Variants in PRPF18 observed in about 807,000 individuals in gnomAD.
PRPF18 encodes pre-mRNA-splicing factor 18.
PRPF18 carries 38 observed loss-of-function variants against 46.5 expected under a neutral mutation model. The ratio of observed to expected loss-of-function variants is 0.82; its 90% CI spans 0.63 to 1.07. The LOEUF (loss-of-function observed/expected upper bound fraction) is 1.07, where lower values mean the gene tolerates loss of function less well. Among genes scored for constraint, PRPF18 ranks in the 50% least tolerant of loss-of-function variants. The probability of loss-of-function intolerance (pLI) is 0.00; values close to 1 mark genes in which losing one functional copy is unlikely to be tolerated. For missense variants in PRPF18, 263 were observed against 410.0 expected, an observed-to-expected ratio of 0.64 and a Z score of 3.10; for synonymous variants, 152 against 146.7, an observed-to-expected ratio of 1.04 and a Z score of -0.26.
intron 3 of PRPF18, among the ~76,000 whole-genome samples, chr10:13,601,123 A>G (rs969141025): frequency 1.4e-4 from 22 of 152,176 alleles, no homozygotes; most frequent in Admixed American, 6.5e-5. Flanking sequence ...GATCATTTAG[A>G]TTGCTTATTA....
chr10:13,640,142 G>T, the PRPF18 span: 1 of 152,178 alleles, frequency 6.6e-6, no homozygotes, highest in Non-Finnish European at 1.5e-5. Context: ...ACGCCTGAGA[G>T]GTTTCACTCC....
chr10:13,650,100 C>T, the PRPF18 span, among the ~76,000 whole-genome samples: 39,085 of 152,160 alleles, frequency 0.26, 5,470 homozygotes, highest in East Asian at 0.58. Flanking sequence ...AAGCCAGGGC[C>T]GTCTGATACC....
At chr10:13,620,158 C>T (rs7090748) in intron 9 of PRPF18, among the ~76,000 whole-genome samples, 5,693 of 152,162 alleles carry the variant, frequency 0.037, 318 homozygotes, top group African/African-American at 0.12. Flanking sequence ...GCAAAATTTT[C>T]CTTAAAGGAT....
In PRPF18 at chr10:13,616,390, C is replaced by T; in HGVS notation, c.793-8C>T. On this transcript the variant is annotated splice_polypyrimidine_tract_variant and splice_region_variant and intron_variant, in intron 8 of 9. Coordinates refer to ENST00000378572, the MANE Select transcript of PRPF18 (RefSeq NM_003675.4). ...CCTTTCTGATTTCTTCTTACACTTT[C>T]CTTTCAGGCAAATGATGCTTATCTT... is the stretch of plus-strand genomic sequence containing the variant. The T allele has an allele frequency of 1.3e-6, 2 of 1,599,308 alleles. No homozygotes were observed. Among genetic ancestry groups the T allele is most frequent in the Non-Finnish European group, 8.5e-7 (1 of 1,170,954 alleles).
At chr10:13,588,638 T>A (rs914250841) in intron 1 of PRPF18, among the ~76,000 whole-genome samples, 1 of 152,084 alleles carries the variant, frequency 6.6e-6, no homozygotes, top group Admixed American at 6.6e-5. Context: ...TTTTTTAAAT[T>A]CTATTCCTCC....
intron 7 of PRPF18, 45 bp from the exon 8 acceptor site, chr10:13,613,970 A>C: frequency 6.4e-7 from 1 of 1,555,534 alleles, no homozygotes; most frequent in Non-Finnish European, 8.7e-7. Flanking sequence ...TTCCCTATAC[A>C]TCTATACATA....
chr10:13,608,051 C>A (rs1353270297), intron 4 of PRPF18, among the ~76,000 whole-genome samples: 1 of 152,176 alleles, frequency 6.6e-6, no homozygotes, highest in Non-Finnish European at 1.5e-5. Flanking sequence ...ATGTAACAGA[C>A]TACTCCAAAA....
intron 9 of PRPF18, 100 bp downstream of exon 9, chr10:13,616,653 A>C (rs953683740): frequency 1.4e-6 from 2 of 1,455,764 alleles, no homozygotes; most frequent in South Asian, 1.2e-5. Context: ...CAGCAAATAG[A>C]ACATAGCGTG....
At chr10:13,627,477 A>C (rs532160895) in intron 9 of PRPF18, among the ~76,000 whole-genome samples, 6 of 152,234 alleles carry the variant, frequency 3.9e-5, no homozygotes, top group Non-Finnish European at 7.3e-5. Flanking sequence ...TAAGCAGCTC[A>C]TTGTTTTACT....
At chr10:13,628,881 C>T (rs1283758826) in intron 9 of PRPF18, among the ~76,000 whole-genome samples, 1 of 152,146 alleles carries the variant, frequency 6.6e-6, no homozygotes, top group African/African-American at 2.4e-5. Flanking sequence ...GGAGAGAGCT[C>T]AATCGTGGTG....
At chr10:13,622,769 T>C (rs538770400) in intron 9 of PRPF18, among the ~76,000 whole-genome samples, 1 of 152,354 alleles carries the variant, frequency 6.6e-6, no homozygotes, top group Admixed American at 6.5e-5. Context: ...ATACTTACAG[T>C]GGGCTTCTTA....
chr10:13,626,518 G>T (rs1176761857), intron 9 of PRPF18, among the ~76,000 whole-genome samples: 1 of 152,210 alleles, frequency 6.6e-6, no homozygotes, highest in Non-Finnish European at 1.5e-5. Flanking sequence ...GTGGTTTGGG[G>T]AGGATGTGGG....
chr10:13,652,085 T>G, the PRPF18 span: 1 of 738,198 alleles, frequency 1.4e-6, no homozygotes, highest in South Asian at 1.5e-5. Context: ...AAAGGCTTGC[T>G]GATTAGACAC....
At chr10:13,609,999 C>A (rs1480873476) in intron 4 of PRPF18, 40 bp from the exon 5 acceptor site, 1 of 1,525,034 alleles carries the variant, frequency 6.6e-7, no homozygotes, top group South Asian at 1.2e-5. Context: ...GGTGTTCTTC[C>A]TTTCATAACA....
chr10:13,611,283 T>A (rs570395280), intron 5 of PRPF18, among the ~76,000 whole-genome samples: 8 of 152,114 alleles, frequency 5.3e-5, no homozygotes, highest in African/African-American at 1.9e-4. Flanking sequence ...TTGACTGATT[T>A]AACATATACA....
At chr10:13,628,076 A>G (rs1242879405) in intron 9 of PRPF18, among the ~76,000 whole-genome samples, 5 of 152,218 alleles carry the variant, frequency 3.3e-5, no homozygotes, top group East Asian at 3.8e-4. Context: ...AAGCTGGACT[A>G]TGTGATGGAA....
chr10:13,604,636 C>A (rs1589124795), intron 3 of PRPF18, among the ~76,000 whole-genome samples: 1 of 152,208 alleles, frequency 6.6e-6, no homozygotes. Flanking sequence ...TAAATGCTGT[C>A]ATTCCCTCCC....
the PRPF18 span, among the ~76,000 whole-genome samples, chr10:13,636,578 G>A: frequency 6.6e-6 from 1 of 152,190 alleles, no homozygotes; most frequent in East Asian, 1.9e-4. Flanking sequence ...TTCTTTTAAT[G>A]TAAATTTTCT....
chr10:13,595,526 T>C (rs1252460233), intron 1 of PRPF18, among the ~76,000 whole-genome samples: 1 of 152,232 alleles, frequency 6.6e-6, no homozygotes, highest in Non-Finnish European at 1.5e-5. Flanking sequence ...AGTGAAGAAC[T>C]GTAGCTTGGA....
Sources: gnomAD v4.1 joint callset for allele counts (sites outside exome capture counted in the v4.1 genomes callset) on GRCh38, gnomAD v4.1.1 for gene constraint, MANE v1.5 for transcripts, NCBI Gene and HGNC (gene_info 2026-07-23, HGNC 2026-07-21) for gene names.